Variants in CACNA2D1 observed in about 807,000 individuals in gnomAD.
CACNA2D1 encodes the protein voltage-dependent calcium channel subunit alpha-2/delta-1.
In CACNA2D1, 53 loss-of-function variants were observed where a neutral mutation model predicts 171.5. The observed-to-expected ratio is 0.31, with a 90% CI of 0.25 to 0.39. CACNA2D1 has a LOEUF of 0.39. CACNA2D1 is among the 10% of genes least tolerant of loss of function. CACNA2D1 has a pLI of 1.00. For missense variants in CACNA2D1, 903 were observed against 1,299.8 expected, an observed-to-expected ratio of 0.69 and a Z score of 4.69; for synonymous variants, 442 against 443.1, an observed-to-expected ratio of 1.00 and a Z score of 0.03.
chr7:82,140,263 C>G (rs906506273), intron 4 of CACNA2D1, among the ~76,000 whole-genome samples: 3 of 152,144 alleles, frequency 2.0e-5, no homozygotes, highest in African/African-American at 7.2e-5. Flanking sequence ...AGAACGTAGA[C>G]CTTAGTGGAA....
At chr7:81,955,978 ATATTT>A (rs1396651849) in intron 38 of CACNA2D1, among the ~76,000 whole-genome samples, 46 of 49,206 alleles carry the variant, frequency 9.3e-4, no homozygotes, top group African/African-American at 3.5e-3. Flanking sequence ...ATATATATAT[ATATTT>A]TTTTTTTTTT....
chr7:82,199,249 G>A (rs1427512930), intron 3 of CACNA2D1, among the ~76,000 whole-genome samples: 1 of 152,026 alleles, frequency 6.6e-6, no homozygotes, highest in African/African-American at 2.4e-5. Flanking sequence ...TTCAGTTTGT[G>A]AGCATAATCT....
chr7:82,285,118 G>T (rs748001926), intron 3 of CACNA2D1, among the ~76,000 whole-genome samples: 4 of 151,884 alleles, frequency 2.6e-5, no homozygotes, highest in Admixed American at 6.6e-5. Context: ...ACATAGACAT[G>T]TAAGCCTCCT....
chr7:81,995,698 C>T (rs1161104634), intron 19 of CACNA2D1, among the ~76,000 whole-genome samples: 1 of 150,738 alleles, frequency 6.6e-6, no homozygotes, highest in African/African-American at 2.5e-5. Context: ...ACTTGGGAAG[C>T]TGAGGCAGGA....
intron 3 of CACNA2D1, among the ~76,000 whole-genome samples, chr7:82,257,356 CCT>C (rs1806427709): frequency 2.0e-5 from 3 of 152,188 alleles, no homozygotes; most frequent in Non-Finnish European, 1.5e-5. Flanking sequence ...ATACATTACC[CCT>C]GTCTTGACAC....
rs145105210 is a variant in CACNA2D1 at position 81,978,753 on chromosome 7, G to GTGTGTGTA, written c.1955+3813_1955+3814insTACACACA. Among the ~76,000 whole-genome samples the GTGTGTGTA allele has an allele frequency of 5.8e-3, 806 of 139,414 alleles. 5 individuals carry two copies. The highest frequency in any genetic ancestry group is 0.018 in the African/African-American group (682 of 36,984). 91.5% of individuals were successfully genotyped at this position (139,414 alleles called of 152,430 possible). A position where few individuals can be genotyped will look rare whatever the true frequency, so the allele number is the denominator to read the frequency against. On this transcript the variant is annotated intron_variant, in intron 24 of 38. Coordinates refer to ENST00000356860, the MANE Select transcript of CACNA2D1 (RefSeq NM_000722.4). Reference sequence around the variant, plus strand: ...TTAAAGTAAATTTTTTTTAAAAAGTGTATATATATATATATATACACACAC... The same window carrying GTGTGTGTA: ...TTAAAGTAAATTTTTTTTAAAAAGTGTGTGTGTATATATATATATATATATACACACAC...
At chr7:82,240,639 C>A (rs1804144734) in intron 3 of CACNA2D1, among the ~76,000 whole-genome samples, 1 of 152,068 alleles carries the variant, frequency 6.6e-6, no homozygotes, top group African/African-American at 2.4e-5. Context: ...TTACTAAATT[C>A]TTAAAACACA....
At chr7:82,180,818 T>C (rs921639435) in intron 3 of CACNA2D1, among the ~76,000 whole-genome samples, 4 of 151,686 alleles carry the variant, frequency 2.6e-5, no homozygotes, top group African/African-American at 9.7e-5. Flanking sequence ...AGCTAGCAGG[T>C]GGCAGGTGGG....
At chr7:82,170,761 TCTAAC>T (rs1795937515) in intron 3 of CACNA2D1, 152 bp from the exon 4 acceptor site, 1 of 719,358 alleles carries the variant, frequency 1.4e-6, no homozygotes. Flanking sequence ...CATTTAGTAA[TCTAAC>T]CTACTAAAGT....
At chr7:82,186,255 A>AAGAAAGGAAGGAAGGAAGG (rs1563174157) in intron 3 of CACNA2D1, among the ~76,000 whole-genome samples, 6 of 111,366 alleles carry the variant, frequency 5.4e-5, no homozygotes, top group African/African-American at 2.1e-4. Flanking sequence ...AGGAAGGAAG[A>AAGAAAGGAAGGAAGGAAGG]AAGGAAGGAA....
intron 3 of CACNA2D1, among the ~76,000 whole-genome samples, chr7:82,187,943 T>C (rs7778224): frequency 0.032 from 4,823 of 152,256 alleles, 261 homozygotes; most frequent in African/African-American, 0.11. Context: ...AAGAAAGAGA[T>C]GTTGTGGACT....
At chr7:82,228,574 G>T (rs1802590475) in intron 3 of CACNA2D1, among the ~76,000 whole-genome samples, 1 of 152,114 alleles carries the variant, frequency 6.6e-6, no homozygotes, top group African/African-American at 2.4e-5. Flanking sequence ...ATAAGGAATT[G>T]TATGCCTGTG....
At chr7:81,997,326 A>T in intron 18 of CACNA2D1, 76 bp from the exon 19 acceptor site, 1 of 975,192 alleles carries the variant, frequency 1.0e-6, no homozygotes, top group Non-Finnish European at 1.7e-6. Flanking sequence ...TTTAACGGGT[A>T]TTTATGAAAT....
chr7:82,217,378 TAC>T (rs1340494071), intron 3 of CACNA2D1, among the ~76,000 whole-genome samples: 3 of 113,694 alleles, frequency 2.6e-5, no homozygotes, highest in Admixed American at 9.6e-5. Flanking sequence ...TACACACATA[TAC>T]ACACACACAC....
At chr7:82,180,487 C>T (rs762906823) in intron 3 of CACNA2D1, among the ~76,000 whole-genome samples, 2 of 152,110 alleles carry the variant, frequency 1.3e-5, no homozygotes, top group Non-Finnish European at 2.9e-5. Flanking sequence ...GGTCGGCTAG[C>T]TTATTAGGTT....
At chr7:82,044,228 C>T (rs1416270185) in intron 10 of CACNA2D1, among the ~76,000 whole-genome samples, 11 of 152,074 alleles carry the variant, frequency 7.2e-5, no homozygotes. Context: ...TCAGAAAGAC[C>T]GTTCTCCTAT....
intron 5 of CACNA2D1, among the ~76,000 whole-genome samples, chr7:82,120,516 T>C (rs1789591673): frequency 6.6e-6 from 1 of 152,158 alleles, no homozygotes; most frequent in Non-Finnish European, 1.5e-5. Flanking sequence ...TAAGGTGGAC[T>C]TTCATACAGG....
At chr7:82,283,747 G>A (rs895887639) in intron 3 of CACNA2D1, among the ~76,000 whole-genome samples, 1 of 152,126 alleles carries the variant, frequency 6.6e-6, no homozygotes, top group Admixed American at 6.5e-5. Flanking sequence ...ATTAATGCAT[G>A]TAACTAGTAC....
intron 3 of CACNA2D1, among the ~76,000 whole-genome samples, chr7:82,297,635 C>T (rs764339657): frequency 4.0e-4 from 61 of 152,110 alleles, no homozygotes; most frequent in Admixed American, 5.9e-4. Context: ...ACAATGGCTA[C>T]GTTTTTATTC....
Sources: allele counts gnomAD v4.1 joint callset (sites outside exome capture counted in the v4.1 genomes callset), GRCh38; gene constraint gnomAD v4.1.1; transcripts MANE v1.5; gene names NCBI Gene and HGNC (gene_info 2026-07-23, HGNC 2026-07-21).